ANXA2: variants seen among roughly 807,000 people sequenced by gnomAD.
ANXA2 encodes the protein annexin II.
Under a neutral mutation model 47.3 loss-of-function variants are expected in ANXA2, and 28 were observed. The observed-to-expected ratio is 0.59, with a 90% CI of 0.44 to 0.81. The LOEUF (loss-of-function observed/expected upper bound fraction) is 0.81, where lower values mean the gene tolerates loss of function less well. Ranked by LOEUF, ANXA2 falls within the 40% of genes least tolerant of loss-of-function variation. The pLI is 0.00. For missense variants in ANXA2, 384 were observed against 414.3 expected (o/e 0.93, Z 0.64); for synonymous variants, 172 against 155.5 (o/e 1.11, Z -0.79).
At chr15:60,358,527 T>C (rs2062466276) in intron 5 of ANXA2, among the ~76,000 whole-genome samples, 1 of 152,250 alleles carries the variant, frequency 6.6e-6, no homozygotes, top group African/African-American at 2.4e-5. Flanking sequence ...TTAGCGTTTA[T>C]ATGCCCCGAA....
intron 4 of ANXA2, among the ~76,000 whole-genome samples, chr15:60,362,422 T>C (rs2062528768): frequency 6.6e-6 from 1 of 152,224 alleles, no homozygotes; most frequent in East Asian, 1.9e-4. Context: ...CAGAAATGTA[T>C]GATAAATCAA....
chr15:60,363,270 C>A (rs1259389409), intron 4 of ANXA2, among the ~76,000 whole-genome samples: 3 of 152,286 alleles, frequency 2.0e-5, no homozygotes, highest in African/African-American at 7.2e-5. Context: ...TAATACACTT[C>A]TAGTGAAAGA....
Position 60,351,911 on chromosome 15 carries a change from T to A in ANXA2, c.683-92A>T, listed in dbSNP as rs527366326. On this transcript the variant is annotated intron_variant, in intron 9 of 12. Coordinates refer to ENST00000451270, the MANE Select transcript of ANXA2 (RefSeq NM_004039.3). ...CTAGTTTTATGCACCATAATTTTTT[T>A]AAAAATTGAGGATGATCACAGCATC... The A allele has an allele frequency of 1.5e-4, 141 of 911,120 alleles. No homozygotes were observed. The African/African-American group carries it at 1.6e-3, about 10-fold the overall frequency. The allele number at this position is 911,120 out of a possible 1,614,324, so 56.4% of individuals were successfully genotyped here.
rs1251655003 is a variant in ANXA2 at position 60,352,126 on chromosome 15, A to T, written c.682+257T>A. ...TACAGAGCATGCACCAAAGTCCACT[A>T]CTTCAACAAATAATGGCAAGACCAA... On this transcript the variant is annotated intron_variant, in intron 9 of 12. Coordinates refer to ENST00000451270, the MANE Select transcript of ANXA2 (RefSeq NM_004039.3). The surrounding 1 kb of genome is among the most constrained non-coding windows in gnomAD (Gnocchi z 4.2). Among the ~76,000 whole-genome samples the T allele has an allele frequency of 6.6e-6, 1 of 152,238 alleles. No individual in the cohort carries two copies. Among genetic ancestry groups the T allele is most frequent in the Non-Finnish European group, 1.5e-5 (1 of 68,042 alleles).
At chr15:60,382,591 C>T (rs1455486021) in intron 2 of ANXA2, 150 bp from the exon 3 acceptor site, 7 of 508,114 alleles carry the variant, frequency 1.4e-5, no homozygotes, top group Non-Finnish European at 1.1e-5. Flanking sequence ...CACACCATCA[C>T]ACTTCACGCA....
At chr15:60,393,752 T>C in intron 1 of ANXA2, 3 of 914,474 alleles carry the variant, frequency 3.3e-6, no homozygotes, top group Non-Finnish European at 3.9e-6. Flanking sequence ...ACATTAGAGT[T>C]ACATGTGTAA....
At chr15:60,367,224 G>A (rs1595682154) in intron 3 of ANXA2, among the ~76,000 whole-genome samples, 1 of 103,688 alleles carries the variant, frequency 9.6e-6, no homozygotes, top group East Asian at 3.1e-4. Context: ...GGTGGGGGGG[G>A]TCAGCCCCCC....
intron 1 of ANXA2, among the ~76,000 whole-genome samples, chr15:60,396,637 G>C (rs1274506277): frequency 3.9e-5 from 6 of 152,172 alleles, no homozygotes; most frequent in Admixed American, 3.3e-4. Context: ...ATGTTAAAAA[G>C]GTCTTTCAGG....
chr15:60,351,619 A>AT (rs1303198455), intron 10 of ANXA2, 105 bp downstream of exon 10: 1 of 774,452 alleles, frequency 1.3e-6, no homozygotes, highest in Admixed American at 2.0e-5. Context: ...CAAAGCATGC[A>AT]TAGAAGCCAC....
chr15:60,363,878 C>T lies in ANXA2; in HGVS notation c.243+551G>A, dbSNP rs142251110. 2.9e-3 allele frequency among the ~76,000 whole-genome samples: 442 copies of T among 152,290 alleles called. 1 individual carries two copies. Among genetic ancestry groups the T allele is most frequent in the African/African-American group, 9.4e-3 (389 of 41,558 alleles). On this transcript the variant is annotated intron_variant, in intron 4 of 12. Coordinates refer to ENST00000451270, the MANE Select transcript of ANXA2 (RefSeq NM_004039.3). ...AAATTAGAAACATCTTATCAAGAACCAGCAGAAGTCATAAAGATGAAATGA... is the reference window on the plus strand; with the variant it reads ...AAATTAGAAACATCTTATCAAGAACTAGCAGAAGTCATAAAGATGAAATGA...
intron 3 of ANXA2, 90 bp downstream of exon 3, chr15:60,382,252 C>T (rs773393600): frequency 8.9e-5 from 87 of 981,268 alleles, no homozygotes; most frequent in Middle Eastern, 2.2e-4. Context: ...TTTCAAATCG[C>T]CAACGTATGG....
At chr15:60,379,254 G>A (rs557528804) in intron 3 of ANXA2, among the ~76,000 whole-genome samples, 10 of 151,944 alleles carry the variant, frequency 6.6e-5, no homozygotes, top group Admixed American at 6.6e-4. Flanking sequence ...CTCCAGCCTG[G>A]GTGACACAGC....
At chr15:60,386,785 T>G (rs2140923467) in intron 1 of ANXA2, 1 of 152,336 alleles carries the variant, frequency 6.6e-6, no homozygotes, top group East Asian at 1.9e-4. Context: ...CTTTCCACCT[T>G]TGCAATCATA....
chr15:60,364,316 G>T, intron 4 of ANXA2, 113 bp downstream of exon 4: 2 of 795,852 alleles, frequency 2.5e-6, no homozygotes, highest in South Asian at 1.5e-5. Context: ...AGATATCCAA[G>T]GGTCCCACAA....
Position 60,389,574 on chromosome 15 carries a change from C to A in ANXA2, c.-11-3488G>T, listed in dbSNP as rs8032238. Reference sequence around the variant, plus strand: ...CTTGAGGAGACTGTTAAAAGCCCCACAAATCTTCCTTTCGGTTTCACCATT... The same window carrying A: ...CTTGAGGAGACTGTTAAAAGCCCCAAAAATCTTCCTTTCGGTTTCACCATT... On this transcript the variant is annotated intron_variant, in intron 1 of 12. Coordinates refer to ENST00000451270, the MANE Select transcript of ANXA2 (RefSeq NM_004039.3). Among the ~76,000 whole-genome samples, 940 of 152,334 alleles carry A rather than the reference C, an allele frequency of 6.2e-3. 5 individuals carry two copies. Among genetic ancestry groups the A allele is most frequent in the African/African-American group, 0.022 (911 of 41,564 alleles).
In ANXA2 at chr15:60,361,563, G is replaced by A. The variant is rs567119750; in HGVS notation, c.244-509C>T. On this transcript the variant is annotated intron_variant, in intron 4 of 12. Coordinates refer to ENST00000451270, the MANE Select transcript of ANXA2 (RefSeq NM_004039.3). The stretch of plus-strand genomic sequence containing the variant: ...AGAAGGAACCAGAGGCCGCAACACA[G>A]TTGGAAGTGAGGTCATGAAACTTTC... 4.6e-4 allele frequency: 73 copies of A among 157,936 alleles called. No homozygotes were observed. In the South Asian group the frequency reaches 0.013, roughly 29 times the overall value. 9.8% of individuals were successfully genotyped at this position (157,936 alleles called of 1,614,324 possible).
chr15:60,350,486 G>A (rs534440201), intron 11 of ANXA2, among the ~76,000 whole-genome samples: 10 of 152,310 alleles, frequency 6.6e-5, no homozygotes, highest in African/African-American at 2.4e-4. Flanking sequence ...GCATCAGAGC[G>A]AAGGCACCAA....
chr15:60,351,585 T>C lies in ANXA2; in HGVS notation c.778+139A>G, dbSNP rs958038907. The C allele has an allele frequency of 2.5e-5, 17 of 672,728 alleles. 1 individual carries two copies. In the Admixed American group the frequency reaches 2.6e-4, roughly 10 times the overall value. The allele number at this position is 672,728 out of a possible 1,614,324, so 41.7% of individuals were successfully genotyped here. A position where few individuals can be genotyped will look rare whatever the true frequency, so the allele number is the denominator to read the frequency against. On this transcript the variant is annotated intron_variant, in intron 10 of 12. Coordinates refer to ENST00000451270, the MANE Select transcript of ANXA2 (RefSeq NM_004039.3). ...CTTCAGTTTTATATTCTGAAATCTA[T>C]ACAATTAAGACTGTAAAACTATCCA...
intron 3 of ANXA2, among the ~76,000 whole-genome samples, chr15:60,372,238 C>A (rs1285192286): frequency 2.0e-5 from 3 of 152,114 alleles, no homozygotes; most frequent in African/African-American, 7.2e-5. Flanking sequence ...CTATCACGTA[C>A]TTCTCACCAC....
Sources: allele counts gnomAD v4.1 joint callset (sites outside exome capture counted in the v4.1 genomes callset), GRCh38; gene constraint gnomAD v4.1.1; non-coding constraint Gnocchi (gnomAD v3.1); transcripts MANE v1.5; gene names NCBI Gene and HGNC (gene_info 2026-07-23, HGNC 2026-07-21).